The following KIF1B variants were observed in gnomAD, a reference collection of about 807,000 sequenced individuals.
KIF1B encodes kinesin-like protein KIF1B.
Under a neutral mutation model 241.9 loss-of-function variants are expected in KIF1B, and 76 were observed. The ratio of observed to expected loss-of-function variants is 0.31; its 90% CI spans 0.26 to 0.38. KIF1B has a LOEUF of 0.38. Ranked by LOEUF, KIF1B falls within the 10% of genes least tolerant of loss-of-function variation. The probability of loss-of-function intolerance (pLI) is 1.00; values close to 1 mark genes in which losing one functional copy is unlikely to be tolerated. For synonymous variants in KIF1B, 750 were observed against 796.7 expected (o/e 0.94, Z 0.99); for missense variants, 1,622 against 2,271.4 (o/e 0.71, Z 5.81).
chr1:10,373,076 A>G (rs1266325987), intron 45 of KIF1B, among the ~76,000 whole-genome samples: 1 of 151,196 alleles, frequency 6.6e-6, no homozygotes, highest in Admixed American at 6.6e-5. Flanking sequence ...CGACCTCCCA[A>G]AGTGCTGGGA....
chr1:10,233,520 A>C (rs1647008427), intron 2 of KIF1B, among the ~76,000 whole-genome samples: 1 of 152,020 alleles, frequency 6.6e-6, no homozygotes, highest in Non-Finnish European at 1.5e-5. Flanking sequence ...TATATATTTA[A>C]AAAAATTTAA....
In KIF1B at chr1:10,378,481, AC is replaced by A; in HGVS notation, c.*1896del. 1 of 716,776 alleles carries A rather than the reference AC, an allele frequency of 1.4e-6. No homozygotes were observed. The highest frequency in any genetic ancestry group is 2.0e-5 in the Admixed American group (1 of 49,910). The allele number at this position is 716,776 out of a possible 1,614,324, so 44.4% of individuals were successfully genotyped here. A position where few individuals can be genotyped will look rare whatever the true frequency, so the allele number is the denominator to read the frequency against. On this transcript the variant is annotated 3_prime_UTR_variant, in exon 49 of 49. Transcript: ENST00000676179. The stretch of plus-strand genomic sequence containing the variant: ...GCCAGTTGTCTTGGGATTGTTTTAC[AC>A]CATCCTTTACTTCCCTTGCTCAGAC...
At chr1:10,335,598 G>A (rs928420424) in intron 28 of KIF1B, among the ~76,000 whole-genome samples, 2 of 151,968 alleles carry the variant, frequency 1.3e-5, no homozygotes, top group African/African-American at 4.8e-5. Flanking sequence ...ACAAAGGATT[G>A]TTAGGCCTTT....
At chr1:10,249,937 C>T (rs1647344590) in intron 2 of KIF1B, among the ~76,000 whole-genome samples, 2 of 152,124 alleles carry the variant, frequency 1.3e-5, no homozygotes, top group Admixed American at 6.6e-5. Context: ...TTACATTGTG[C>T]TTTAGTTTAT....
chr1:10,292,497 A>G (rs1449612074), intron 17 of KIF1B, among the ~76,000 whole-genome samples: 1 of 152,178 alleles, frequency 6.6e-6, no homozygotes, highest in Admixed American at 6.5e-5. Context: ...ACCCTGCTTT[A>G]TAACTTTTTG....
At chr1:10,244,401 G>A (rs1647178158) in intron 2 of KIF1B, among the ~76,000 whole-genome samples, 1 of 142,372 alleles carries the variant, frequency 7.0e-6, no homozygotes, top group Non-Finnish European at 1.5e-5. Flanking sequence ...CGCAACCTCC[G>A]CCTCCCAGGT....
intron 2 of KIF1B, among the ~76,000 whole-genome samples, chr1:10,251,741 A>C (rs187664247): frequency 5.9e-5 from 9 of 152,220 alleles, no homozygotes; most frequent in East Asian, 3.9e-4. Context: ...TCTCAAAAAA[A>C]AAAAAGCTTT....
chr1:10,224,307 G>A (rs1571094768), intron 1 of KIF1B, among the ~76,000 whole-genome samples: 1 of 152,036 alleles, frequency 6.6e-6, no homozygotes, highest in Non-Finnish European at 1.5e-5. Context: ...TAGTAGAGAT[G>A]GGGTTTCACC....
chr1:10,246,436 C>G (rs181697233), intron 2 of KIF1B, among the ~76,000 whole-genome samples: 5 of 152,292 alleles, frequency 3.3e-5, no homozygotes, highest in Admixed American at 2.6e-4. Flanking sequence ...CATGCAGTAG[C>G]CAGTCATATT....
At chr1:10,311,624 T>C (rs1265544149) in intron 22 of KIF1B, among the ~76,000 whole-genome samples, 1 of 151,508 alleles carries the variant, frequency 6.6e-6, no homozygotes, top group African/African-American at 2.5e-5. Context: ...ACAAAAGCTC[T>C]TCTTGATGAT....
chr1:10,339,748 C>CT (rs770960183), intron 31 of KIF1B, 21 bp from the exon 32 acceptor site: 10 of 1,605,640 alleles, frequency 6.2e-6, no homozygotes, highest in East Asian at 2.2e-5. Flanking sequence ...GTTCACGAGT[C>CT]TTTTTATTTT....
At chr1:10,324,198 G>A (rs1205945543) in intron 25 of KIF1B, 136 bp downstream of exon 25, 2 of 840,576 alleles carry the variant, frequency 2.4e-6, no homozygotes, top group African/African-American at 1.7e-5. Context: ...GCTGTTGTTG[G>A]CCAATGGTAT....
chr1:10,355,068 A>G (rs115358831), intron 38 of KIF1B, among the ~76,000 whole-genome samples: 56 of 152,296 alleles, frequency 3.7e-4, no homozygotes, highest in Middle Eastern at 3.4e-3. Flanking sequence ...CTCCACAGCA[A>G]CTTCCTATTA....
rs74858192 is a variant in KIF1B at position 10,324,283 on chromosome 1, T to C, written c.2537+221T>C. ...TCTGACATTTGTAGATATTTAAGTT[T>C]ACCCTCCATAGACCCTCTTATAAAT... On this transcript the variant is annotated intron_variant, in intron 25 of 48. Coordinates refer to ENST00000676179, the MANE Select transcript of KIF1B (RefSeq NM_001365951.3). Among the ~76,000 whole-genome samples, 1,395 of 152,326 alleles carry C rather than the reference T, an allele frequency of 9.2e-3. 12 individuals are homozygous for C. The highest frequency in any genetic ancestry group is 0.013 in the Non-Finnish European group (890 of 68,032).
At chr1:10,211,600 C>T (rs1314831876) in intron 1 of KIF1B, 1 of 152,160 alleles carries the variant, frequency 6.6e-6, no homozygotes, top group Non-Finnish European at 1.5e-5. Context: ...GACCAGAAGC[C>T]AAGTTGTGGG....
chr1:10,370,572 AAATAATAAT>A lies in KIF1B; in HGVS notation c.4825-554_4825-546del, dbSNP rs34836490. Among the ~76,000 whole-genome samples, 28 of 144,978 alleles carry A rather than the reference AAATAATAAT, an allele frequency of 1.9e-4. No individual in the cohort carries two copies. The East Asian group carries it at 5.0e-3, about 26-fold the overall frequency. Reference sequence around the variant, plus strand: ...TAGCAAGACCTTATCTCGAAAAAGAAAATAATAATAATAATAATAATAAGAAGAAGAAGA... The same window carrying A: ...TAGCAAGACCTTATCTCGAAAAAGAAAATAATAATAATAAGAAGAAGAAGA... On this transcript the variant is annotated intron_variant, in intron 44 of 48. Transcript: ENST00000676179.
chr1:10,321,934 A>G (rs1474948827), intron 24 of KIF1B, 77 bp downstream of exon 24: 14 of 1,538,598 alleles, frequency 9.1e-6, no homozygotes, highest in Middle Eastern at 1.8e-4. Flanking sequence ...CTCACCTTGA[A>G]TTAACCTTTC....
At chr1:10,272,404 C>T (rs1419300388) in intron 9 of KIF1B, 98 bp downstream of exon 9, 1 of 830,128 alleles carries the variant, frequency 1.2e-6, no homozygotes, top group Non-Finnish European at 2.1e-6. Flanking sequence ...TTTTTGTGGC[C>T]CTTTTCTGTA....
rs938701434 is a variant in KIF1B at position 10,367,888 on chromosome 1, C to T, written c.4753-579C>T. On this transcript the variant is annotated intron_variant, in intron 43 of 48. Coordinates refer to ENST00000676179, the MANE Select transcript of KIF1B (RefSeq NM_001365951.3). Reference sequence around the variant, plus strand: ...GGATTACAGGTGCCCACCATGACGCCCAGCTAATTTTCTTATTTTTAGTAG... The same window carrying T: ...GGATTACAGGTGCCCACCATGACGCTCAGCTAATTTTCTTATTTTTAGTAG... Among the ~76,000 whole-genome samples, 7 of 152,078 alleles carry T rather than the reference C, an allele frequency of 4.6e-5. No homozygotes were observed. In the South Asian group the frequency reaches 6.2e-4, roughly 14 times the overall value.
Sources: allele counts gnomAD v4.1 joint callset (sites outside exome capture counted in the v4.1 genomes callset), GRCh38; gene constraint gnomAD v4.1.1; transcripts MANE v1.5; gene names NCBI Gene and HGNC (gene_info 2026-07-23, HGNC 2026-07-21).